LIFR: variants seen among roughly 807,000 people sequenced by gnomAD.
LIFR encodes the protein LIF receptor subunit alpha.
LIFR carries 84 observed loss-of-function variants against 122.2 expected under a neutral mutation model. The ratio of observed to expected loss-of-function variants is 0.69; its 90% confidence interval spans 0.58 to 0.82. LIFR has a LOEUF of 0.82. LIFR is among the 40% of genes least tolerant of loss of function. The pLI, the probability that LIFR is intolerant of heterozygous loss-of-function variation, is 0.00. For synonymous variants in LIFR, 422 were observed against 434.7 expected (o/e 0.97, Z 0.36); for missense variants, 1,294 against 1,311.6 (o/e 0.99, Z 0.21).
At chr5:38,520,365 C>T (rs1050589885) in intron 5 of LIFR, among the ~76,000 whole-genome samples, 3 of 152,010 alleles carry the variant, frequency 2.0e-5, no homozygotes, top group Non-Finnish European at 2.9e-5. Context: ...TCTGGATATT[C>T]GTCCTTTGTT....
chr5:38,575,605 A>G (rs943388400), intron 1 of LIFR, among the ~76,000 whole-genome samples: 19 of 152,196 alleles, frequency 1.2e-4, no homozygotes, highest in African/African-American at 4.6e-4. Flanking sequence ...GCTGCCTGCC[A>G]TAGACTGTCA....
At chr5:38,591,687 G>A (rs539272885) in intron 1 of LIFR, among the ~76,000 whole-genome samples, 2 of 152,250 alleles carry the variant, frequency 1.3e-5, no homozygotes, top group South Asian at 4.1e-4. Flanking sequence ...ACTGAGTTTT[G>A]TTGTTTCTTA....
In LIFR at chr5:38,479,639, T is replaced by A. The variant is rs138452115; in HGVS notation, c.*1956A>T. The A allele has an allele frequency of 2.8e-3, 639 of 230,268 alleles. 4 individuals carry two copies. Among genetic ancestry groups the A allele is most frequent in the African/African-American group, 0.013 (597 of 45,262 alleles). 14.3% of individuals were successfully genotyped at this position (230,268 alleles called of 1,614,324 possible). On this transcript the variant is annotated 3_prime_UTR_variant, in exon 20 of 20. Transcript: ENST00000453190. ...TGTCCTGGAGAGATAAAGTACGGGA[T>A]TGATACATTTCAACAGGGAACAAGG...
intron 7 of LIFR, among the ~76,000 whole-genome samples, chr5:38,508,582 CTT>C (rs1194349104): frequency 1.4e-5 from 2 of 145,164 alleles, no homozygotes; most frequent in Admixed American, 6.9e-5. Context: ...ATTTCTTTTT[CTT>C]TTTTTTTTTT....
Position 38,604,337 on chromosome 5 carries a change from C to G in LIFR, n.305+1868G>C, listed in dbSNP as rs112304225. ...CAGCGTCTCTGACTTGGATATCCAG[C>G]ACATTCCCCCAGAGACAGCCATTTG... On this transcript the variant is annotated intron_variant and non_coding_transcript_variant, in intron 2 of 3. Transcript: ENST00000507786. Among the ~76,000 whole-genome samples the G allele has an allele frequency of 2.1e-3, 313 of 152,298 alleles. 1 individual carries two copies. The highest frequency in any genetic ancestry group is 7.3e-3 in the African/African-American group (304 of 41,552).
intron 4 of LIFR, among the ~76,000 whole-genome samples, chr5:38,526,429 GTGTGTGTGTGTGTA>G (rs1746685742): frequency 6.6e-6 from 1 of 150,624 alleles, no homozygotes; most frequent in African/African-American, 2.4e-5. Flanking sequence ...GTGTGTGTGT[GTGTGTGTGTGTGTA>G]TATATATATA....
chr5:38,521,390 T>A (rs959548473), intron 5 of LIFR, among the ~76,000 whole-genome samples: 2 of 152,222 alleles, frequency 1.3e-5, no homozygotes, highest in African/African-American at 4.8e-5. Context: ...GACTCTCTCT[T>A]TCCCAATTTG....
At chr5:38,528,648 C>T in intron 3 of LIFR, 78 bp downstream of exon 3, 2 of 880,128 alleles carry the variant, frequency 2.3e-6, no homozygotes, top group Non-Finnish European at 3.7e-6. Flanking sequence ...TTTAGTTTCA[C>T]AAGCAATAAG....
chr5:38,547,150 A>G (rs1408252028), intron 1 of LIFR, among the ~76,000 whole-genome samples: 1 of 152,206 alleles, frequency 6.6e-6, no homozygotes, highest in Non-Finnish European at 1.5e-5. Flanking sequence ...GAACAATGTG[A>G]GATAGAAGTA....
Position 38,517,856 on chromosome 5 carries a change from C to CAAAAAAAAAAAAAAAAAAAAAAA in LIFR, c.561+5540_561+5562dup, listed in dbSNP as rs572954936. Among the ~76,000 whole-genome samples, 28 of 15,040 alleles carry CAAAAAAAAAAAAAAAAAAAAAAA rather than the reference C, an allele frequency of 1.9e-3. 2 individuals carry two copies. The highest frequency in any genetic ancestry group is 2.7e-3 in the African/African-American group (6 of 2,252). The allele number at this position is 15,040 out of a possible 152,430, so 9.9% of individuals were successfully genotyped here. A position where few individuals can be genotyped will look rare whatever the true frequency, so the allele number is the denominator to read the frequency against. ...TGTGCAACAGAGCAAGACACTGTCTCAAAAAAAAAAAAAAAAAAAAAAAAA... is the reference window on the plus strand; with the variant it reads ...TGTGCAACAGAGCAAGACACTGTCTCAAAAAAAAAAAAAAAAAAAAAAAAAAAAAAAAAAAAAAAAAAAAAAAA... On this transcript the variant is annotated intron_variant, in intron 5 of 19. Transcript: ENST00000453190.
chr5:38,523,728 C>A, intron 4 of LIFR, 146 bp from the exon 5 acceptor site: 1 of 681,788 alleles, frequency 1.5e-6, no homozygotes, highest in East Asian at 2.7e-5. Flanking sequence ...ACTCTAGAAC[C>A]CAGTAATAAG....
chr5:38,486,059 C>G, intron 16 of LIFR, 79 bp from the exon 17 acceptor site: 1 of 1,354,560 alleles, frequency 7.4e-7, no homozygotes, highest in Non-Finnish European at 1.0e-6. Flanking sequence ...GTCTCACCAA[C>G]TGCCCTTCTA....
intron 11 of LIFR, among the ~76,000 whole-genome samples, chr5:38,501,491 C>T (rs1223081359): frequency 3.3e-5 from 5 of 152,116 alleles, no homozygotes; most frequent in East Asian, 3.9e-4. Context: ...CAGTGGCTCA[C>T]GCCTGTAATC....
At chr5:38,512,236 G>A (rs568096352) in intron 5 of LIFR, among the ~76,000 whole-genome samples, 10 of 152,278 alleles carry the variant, frequency 6.6e-5, no homozygotes, top group African/African-American at 2.2e-4. Context: ...AATGCAGGTT[G>A]AGTATCCCTT....
Position 38,480,815 on chromosome 5 carries a change from A to C in LIFR, c.*780T>G, listed in dbSNP as rs1050997871. On this transcript the variant is annotated 3_prime_UTR_variant, in exon 20 of 20. Coordinates refer to ENST00000453190, the MANE Select transcript of LIFR (RefSeq NM_001127671.2). ...GTGGGTCTCTAGTCTTAGAAGTGTA[A>C]ATTTTAAATATTAGGGCAACCAACT... The C allele has an allele frequency of 3.3e-5, 7 of 214,470 alleles. No individual in the cohort carries two copies. The highest frequency in any genetic ancestry group is 2.3e-4 in the Admixed American group (4 of 17,138). 13.3% of individuals were successfully genotyped at this position (214,470 alleles called of 1,614,324 possible).
rs141525467 is a variant in LIFR, at chr5:38,496,403, C to T, written c.1864G>A (p.Ala622Thr). ...TCACCATTTGGAATTTCCATACTCGCTATTTTGGAAGGTGGTGATGAGCCC... is the reference window on the plus strand; with the variant it reads ...TCACCATTTGGAATTTCCATACTCGTTATTTTGGAAGGTGGTGATGAGCCC... Reference protein sequence around the residue: ...SVGSSPPSKIASMEIPNDDLK... With the variant: ...SVGSSPPSKITSMEIPNDDLK... Residue 622 changes from alanine to threonine, a missense_variant, in exon 13 of 20, where the codon GCG (alanine) becomes ACG (threonine). By Grantham distance (58) the Ala-to-Thr change is moderately conservative (BLOSUM62 0). Coordinates refer to ENST00000453190, the MANE Select transcript of LIFR (RefSeq NM_001127671.2). 6.2e-7 allele frequency: 1 copy of T among 1,613,616 alleles called. No homozygotes were observed. Among genetic ancestry groups the T allele is most frequent in the African/African-American group, 1.3e-5 (1 of 74,910 alleles).
chr5:38,586,001 G>A (rs1749734919), intron 1 of LIFR, among the ~76,000 whole-genome samples: 1 of 151,926 alleles, frequency 6.6e-6, no homozygotes, highest in Non-Finnish European at 1.5e-5. Flanking sequence ...AAGCAACTAA[G>A]CCGAGTGTAG....
At chr5:38,486,173 T>C (rs1744277869) in intron 16 of LIFR, among the ~76,000 whole-genome samples, 193 bp from the exon 17 acceptor site, 2 of 152,188 alleles carry the variant, frequency 1.3e-5, no homozygotes, top group Non-Finnish European at 2.9e-5. Flanking sequence ...TATGGGCCCC[T>C]TATTTAAACC....
Position 38,510,463 on chromosome 5 carries a change from C to G in LIFR, c.991+1G>C. On this transcript the variant is annotated splice_donor_variant, in intron 7 of 19. Coordinates refer to ENST00000453190, the MANE Select transcript of LIFR (RefSeq NM_001127671.2). LOFTEE classifies it high-confidence loss of function. ...TTCTCTCTTTAAAATCATATACTTA[C>G]ATCCAGCAAAAATAACGGTTCCAAA... The G allele has an allele frequency of 6.4e-7, 1 of 1,565,046 alleles. No individual in the cohort carries two copies. The highest frequency in any genetic ancestry group is 8.7e-7 in the Non-Finnish European group (1 of 1,147,622).
Sources: gnomAD v4.1 joint callset for allele counts (sites outside exome capture counted in the v4.1 genomes callset) on GRCh38, gnomAD v4.1.1 for gene constraint, MANE v1.5 for transcripts, NCBI Gene and HGNC (gene_info 2026-07-23, HGNC 2026-07-21) for gene names.